CSMD1: variants seen among roughly 807,000 people sequenced by gnomAD.
CSMD1 encodes CUB and sushi domain-containing protein 1.
A neutral mutation model predicts 417.5 loss-of-function variants in CSMD1; 213 were observed. The observed-to-expected ratio is 0.51, with a 90% CI of 0.46 to 0.57. The LOEUF is 0.57. CSMD1 is among the 20% of genes least tolerant of loss of function. CSMD1 has a pLI of 0.00. For synonymous variants in CSMD1, 2,862 were observed against 1,736.8 expected (o/e 1.65, Z -16.11); for missense variants, 6,923 against 4,529.7 (o/e 1.53, Z -15.17).
intron 49 of CSMD1, among the ~76,000 whole-genome samples, chr8:3,057,435 T>C (rs1052443342): frequency 5.9e-5 from 9 of 152,264 alleles, no homozygotes; most frequent in African/African-American, 1.9e-4. Context: ...ATCAACTATA[T>C]GTGTATTTGC....
At chr8:4,631,394 G>GTT (rs1352993082) in intron 2 of CSMD1, among the ~76,000 whole-genome samples, 24 of 143,432 alleles carry the variant, frequency 1.7e-4, no homozygotes, top group African/African-American at 5.3e-4. Context: ...TGATACCTTG[G>GTT]TTTGTTTTTT....
intron 5 of CSMD1, among the ~76,000 whole-genome samples, chr8:3,984,679 T>C (rs961279030): frequency 6.3e-5 from 9 of 143,536 alleles, no homozygotes; most frequent in African/African-American, 2.1e-4. Context: ...GAATGATTTA[T>C]GGGTTCAGGA....
chr8:3,000,042 T>G lies in CSMD1; in HGVS notation c.8119A>C (p.Asn2707His), dbSNP rs201904144. Residue 2707 changes from asparagine to histidine, a missense_variant, in exon 53 of 70, where the codon AAT becomes CAT. Transcript: ENST00000635120. ...SYRDTVVYQC[N>H]PGFRLVGTSV... is the part of the protein sequence containing the mutation. ...GTTCCCACAAGCCGGAAACCAGGAT[T>G]GCACTGGTAAACCACCGTGTCTCTG... 9 of 1,605,660 alleles carry G rather than the reference T, an allele frequency of 5.6e-6. No homozygotes were observed. Among genetic ancestry groups the G allele is most frequent in the Non-Finnish European group, 7.6e-6 (9 of 1,178,286 alleles).
At chr8:4,314,886 G>T (rs569983472) in intron 3 of CSMD1, among the ~76,000 whole-genome samples, 1 of 152,168 alleles carries the variant, frequency 6.6e-6, no homozygotes, top group Non-Finnish European at 1.5e-5. Flanking sequence ...CTGTTGGAGT[G>T]AAGAACATAA....
At chr8:3,875,656 G>C (rs1262878692) in intron 5 of CSMD1, among the ~76,000 whole-genome samples, 1 of 152,194 alleles carries the variant, frequency 6.6e-6, no homozygotes, top group Non-Finnish European at 1.5e-5. Context: ...ATGGAAGTGG[G>C]TGGTGAATTC....
intron 3 of CSMD1, among the ~76,000 whole-genome samples, chr8:4,206,664 C>G (rs961961398): frequency 6.6e-6 from 1 of 152,188 alleles, no homozygotes; most frequent in African/African-American, 2.4e-5. Flanking sequence ...TGTGTCTTTA[C>G]AGCAGCATGA....
In CSMD1 at chr8:3,281,836, C is replaced by T. The variant is rs1218837575; in HGVS notation, c.4153+2308G>A. On this transcript the variant is annotated intron_variant, in intron 26 of 69. Transcript: ENST00000635120. ...GTAATCCCCACTGTTGGAGGTAGTG[C>T]CTGGAGGGGTTGATTGGATCATGGG... Among the ~76,000 whole-genome samples the T allele has an allele frequency of 2.0e-5, 3 of 152,062 alleles. No homozygotes were observed. The East Asian group carries it at 5.8e-4, about 29-fold the overall frequency.
intron 3 of CSMD1, among the ~76,000 whole-genome samples, chr8:4,354,565 G>C (rs1364144667): frequency 6.6e-6 from 1 of 152,098 alleles, no homozygotes; most frequent in African/African-American, 2.4e-5. Flanking sequence ...ACTAAACATA[G>C]ATGGCAGACT....
intron 3 of CSMD1, among the ~76,000 whole-genome samples, chr8:4,032,596 T>G (rs1303664865): frequency 6.6e-6 from 1 of 152,204 alleles, no homozygotes; most frequent in South Asian, 2.1e-4. Context: ...CAACATTTGA[T>G]GGATAAGCAA....
At chr8:4,957,961 C>G (rs1333907244) in intron 1 of CSMD1, among the ~76,000 whole-genome samples, 2 of 152,138 alleles carry the variant, frequency 1.3e-5, no homozygotes, top group Non-Finnish European at 2.9e-5. Context: ...CTTTTCTCTC[C>G]TTAGTAAGAT....
chr8:4,928,958 C>G (rs1055758640), intron 1 of CSMD1, among the ~76,000 whole-genome samples: 3 of 152,024 alleles, frequency 2.0e-5, no homozygotes, highest in African/African-American at 7.3e-5. Context: ...GTAATCCCAG[C>G]TACTTGGAAG....
intron 3 of CSMD1, among the ~76,000 whole-genome samples, chr8:4,201,244 TA>T (rs1057084359): frequency 6.6e-6 from 1 of 151,988 alleles, no homozygotes; most frequent in African/African-American, 2.4e-5. Flanking sequence ...TGGTTGTAAG[TA>T]AAAAAATTCA....
chr8:3,272,292 C>G (rs922001343), intron 26 of CSMD1, among the ~76,000 whole-genome samples: 1 of 145,000 alleles, frequency 6.9e-6, no homozygotes, highest in Non-Finnish European at 1.5e-5. Flanking sequence ...TGATCTATAT[C>G]TCTGTTTTGG....
intron 47 of CSMD1, among the ~76,000 whole-genome samples, chr8:3,095,330 C>A: frequency 1.3e-5 from 2 of 152,192 alleles, no homozygotes; most frequent in East Asian, 3.9e-4. Context: ...ATAGAGTTTA[C>A]CTCTCTTCTT....
intron 40 of CSMD1, among the ~76,000 whole-genome samples, chr8:3,145,996 C>G (rs1818820347): frequency 6.6e-6 from 1 of 152,132 alleles, no homozygotes; most frequent in African/African-American, 2.4e-5. Flanking sequence ...GTTGATAGAA[C>G]CTGTGAATAT....
At chr8:4,095,076 G>A (rs1025724157) in intron 3 of CSMD1, among the ~76,000 whole-genome samples, 2 of 152,184 alleles carry the variant, frequency 1.3e-5, no homozygotes, top group Non-Finnish European at 2.9e-5. Context: ...CAAGAGCTTG[G>A]ATTAATGTAA....
At chr8:4,619,655 T>C (rs1221842735) in intron 2 of CSMD1, among the ~76,000 whole-genome samples, 1 of 152,112 alleles carries the variant, frequency 6.6e-6, no homozygotes, top group Non-Finnish European at 1.5e-5. Flanking sequence ...ACGTCATATT[T>C]TTATTGAAGT....
chr8:4,717,566 C>A (rs1584990905), intron 1 of CSMD1, among the ~76,000 whole-genome samples: 1 of 139,268 alleles, frequency 7.2e-6, no homozygotes, highest in Non-Finnish European at 1.6e-5. Flanking sequence ...ATCTATCTAT[C>A]CATCCATCCA....
At chr8:4,380,364 C>T (rs1472646410) in intron 3 of CSMD1, among the ~76,000 whole-genome samples, 1 of 152,164 alleles carries the variant, frequency 6.6e-6, no homozygotes, top group Non-Finnish European at 1.5e-5. Context: ...CTCTAGTTTT[C>T]CTCCCAAAAA....
Sources: gnomAD v4.1 joint callset for allele counts (sites outside exome capture counted in the v4.1 genomes callset) on GRCh38, gnomAD v4.1.1 for gene constraint, MANE v1.5 for transcripts, NCBI Gene and HGNC (gene_info 2026-07-23, HGNC 2026-07-21) for gene names.